Variants in VIPAS39 observed in about 807,000 individuals in gnomAD.
The protein encoded by VIPAS39 is VPS33B interacting protein, apical-basolateral polarity regulator, spe-39 homolog.
A neutral mutation model predicts 84.7 loss-of-function variants in VIPAS39; 63 were observed. The ratio of observed to expected loss-of-function variants is 0.74; its 90% CI spans 0.61 to 0.92. VIPAS39 has a LOEUF of 0.92. Ranked by LOEUF, VIPAS39 falls within the 40% of genes least tolerant of loss-of-function variation. The pLI, the probability that VIPAS39 is intolerant of heterozygous loss-of-function variation, is 0.00. For missense variants in VIPAS39, 499 were observed against 604.5 expected, an observed-to-expected ratio of 0.83 and a Z score of 1.83; for synonymous variants, 192 against 216.5, an observed-to-expected ratio of 0.89 and a Z score of 0.99.
chr14:77,442,785 G>A (rs971943075), intron 9 of VIPAS39, 123 bp from the exon 10 acceptor site: 33 of 930,180 alleles, frequency 3.5e-5, no homozygotes, highest in Non-Finnish European at 5.4e-5. Flanking sequence ...GCTAAGAATG[G>A]TTTACCCCTA....
chr14:77,444,926 C>G (rs995207929), intron 7 of VIPAS39, among the ~76,000 whole-genome samples: 2 of 150,124 alleles, frequency 1.3e-5, no homozygotes, highest in African/African-American at 4.9e-5. Context: ...AATTTGCATA[C>G]AGTAAAACAT....
At position 77,429,086 on chromosome 14, in the gene VIPAS39, C is replaced by T; in HGVS notation, c.1276G>A (p.Glu426Lys). 6.2e-7 allele frequency: 1 copy of T among 1,613,692 alleles called. No individual in the cohort carries two copies. The highest frequency in any genetic ancestry group is 8.5e-7 in the Non-Finnish European group (1 of 1,179,718). Residue 426 changes from glutamate (E) to lysine (K), a missense_variant, in exon 18 of 20, where the codon GAG (glutamate) becomes AAG (lysine). Physicochemically the swap from Glu to Lys is moderately conservative, Grantham distance 56. Coordinates refer to ENST00000557658, the MANE Select transcript of VIPAS39 (RefSeq NM_001193315.2). Reference protein sequence around the residue: ...KNNAPVQILQEYVNLVEDVDT... With the variant: ...KNNAPVQILQKYVNLVEDVDT... ...ACATCTTCCACCAGATTGACATACT[C>T]CTGTAATATCTGTGGGAAGAGGTAC...
intron 6 of VIPAS39, 23 bp from the exon 7 acceptor site, chr14:77,448,573 A>C: frequency 6.2e-7 from 1 of 1,613,858 alleles, no homozygotes. Flanking sequence ...CAATACGTGA[A>C]TCCCAGGAAG....
intron 11 of VIPAS39, among the ~76,000 whole-genome samples, chr14:77,439,526 T>A (rs2078666813): frequency 6.6e-6 from 1 of 152,162 alleles, no homozygotes. Flanking sequence ...GTGGTTCACA[T>A]CTGTAATCCC....
At position 77,434,508 on chromosome 14, in the gene VIPAS39, T is replaced by C. The variant is rs774318839; in HGVS notation, c.1048-205A>G. Among the ~76,000 whole-genome samples the C allele has an allele frequency of 2.4e-4, 36 of 152,162 alleles. 1 individual carries two copies. Among genetic ancestry groups the C allele is most frequent in the Non-Finnish European group, 4.4e-4 (30 of 68,024 alleles). ...TTATCAAGAACTGGAGTAATAAGTA[T>C]GGTGCCTTTTCCCATTTTCTGCTAA... On this transcript the variant is annotated intron_variant, in intron 14 of 19. Coordinates refer to ENST00000557658, the MANE Select transcript of VIPAS39 (RefSeq NM_001193315.2).
intron 3 of VIPAS39, among the ~76,000 whole-genome samples, 191 bp from the exon 4 acceptor site, chr14:77,451,524 C>T (rs950889842): frequency 2.6e-5 from 4 of 152,202 alleles, no homozygotes; most frequent in African/African-American, 4.8e-5. Context: ...AGGTGGATCA[C>T]AGAAAATTCA....
Position 77,429,771 on chromosome 14 carries a change from A to G in VIPAS39, c.1180-4T>C. On this transcript the variant is annotated splice_polypyrimidine_tract_variant and splice_region_variant and intron_variant, in intron 16 of 19. Coordinates refer to ENST00000557658, the MANE Select transcript of VIPAS39 (RefSeq NM_001193315.2). ...TCTTGGTATAGCCCAGCCAGTTCTGAAAGAGGAAGATGGGGTAGCGGCAGG... is the reference window on the plus strand; with the variant it reads ...TCTTGGTATAGCCCAGCCAGTTCTGGAAGAGGAAGATGGGGTAGCGGCAGG... 6.2e-7 allele frequency: 1 copy of G among 1,614,098 alleles called. No homozygotes were observed. Among genetic ancestry groups the G allele is most frequent in the Non-Finnish European group, 8.5e-7 (1 of 1,179,948 alleles).
chr14:77,433,353 A>C (rs2078553931), intron 16 of VIPAS39, among the ~76,000 whole-genome samples: 1 of 152,118 alleles, frequency 6.6e-6, no homozygotes, highest in South Asian at 2.1e-4. Flanking sequence ...GGTGCACACC[A>C]CCACACCCAG....
At position 77,428,237 on chromosome 14, in the gene VIPAS39, C is replaced by T. The variant is rs140913492; in HGVS notation, c.1461+133G>A. The T allele has an allele frequency of 5.8e-5, 45 of 781,472 alleles. No homozygotes were observed. In the East Asian group the frequency reaches 7.8e-4, roughly 14 times the overall value. 48.4% of individuals were successfully genotyped at this position (781,472 alleles called of 1,614,324 possible). On this transcript the variant is annotated intron_variant, in intron 19 of 19. Transcript: ENST00000557658. ...CAAAGCAGTGCTTTTGACATTGTGGCCAGAGGAGAGCCTTACATCCATGTG... is the reference window on the plus strand; with the variant it reads ...CAAAGCAGTGCTTTTGACATTGTGGTCAGAGGAGAGCCTTACATCCATGTG...
Position 77,448,570 on chromosome 14 carries a change from T to A in VIPAS39, c.448-20A>T. 1 of 1,613,782 alleles carries A rather than the reference T, an allele frequency of 6.2e-7. No individual in the cohort carries two copies. The highest frequency in any genetic ancestry group is 8.5e-7 in the Non-Finnish European group (1 of 1,179,730). On this transcript the variant is annotated intron_variant, in intron 6 of 19. Transcript: ENST00000557658. ...GTAATCCTGGAATATTAGCAATACG[T>A]GAATCCCAGGAAGTTAAGGAATCAA...
intron 1 of VIPAS39, chr14:77,457,208 C>A: frequency 6.6e-7 from 1 of 1,511,370 alleles, no homozygotes; most frequent in Non-Finnish European, 8.8e-7. Flanking sequence ...GGGTGAACGT[C>A]CAGGAAGCCA....
chr14:77,452,183 A>C (rs1056673705), intron 3 of VIPAS39, among the ~76,000 whole-genome samples: 4 of 152,212 alleles, frequency 2.6e-5, no homozygotes, highest in Non-Finnish European at 5.9e-5. Context: ...ACATGGAAAG[A>C]TCTCCAAGCT....
At position 77,454,074 on chromosome 14, in the gene VIPAS39, T is replaced by A; in HGVS notation, c.29A>T (p.Glu10Val). 6.2e-7 allele frequency: 1 copy of A among 1,614,172 alleles called. No homozygotes were observed. Among genetic ancestry groups the A allele is most frequent in the Non-Finnish European group, 8.5e-7 (1 of 1,180,016 alleles). Residue 10 changes from glutamate (E) to valine (V), a missense_variant, in exon 2 of 20, where the codon GAG becomes GTG. Physicochemically the swap from Glu to Val is moderately radical, Grantham distance 121 (BLOSUM62 -2). Coordinates refer to ENST00000557658, the MANE Select transcript of VIPAS39 (RefSeq NM_001193315.2). ...CTTGAACTTGGAGCTGTTCCAATAC[T>A]CCTCCTCATCACCCTTTGTCCGATT... MNRTKGDEE[E>V]YWNSSKFKAF...
chr14:77,457,519 T>C lies in VIPAS39; in HGVS notation c.-25A>G, dbSNP rs2078981158. 4 of 928,034 alleles carry C rather than the reference T, an allele frequency of 4.3e-6. No individual in the cohort carries two copies. The South Asian group carries it at 6.4e-5, about 15-fold the overall frequency. 57.5% of individuals were successfully genotyped at this position (928,034 alleles called of 1,614,324 possible). On this transcript the variant is annotated 5_prime_UTR_variant, in exon 1 of 20. Transcript: ENST00000557658. ...CCTCTTCCGCACAGAGCCCTCCCTCTCAGGACAGCGCCAGCCTCCGCCGCC... is the reference window on the plus strand; with the variant it reads ...CCTCTTCCGCACAGAGCCCTCCCTCCCAGGACAGCGCCAGCCTCCGCCGCC...
chr14:77,429,301 G>C (rs2078481838), intron 17 of VIPAS39, among the ~76,000 whole-genome samples: 1 of 152,220 alleles, frequency 6.6e-6, no homozygotes, highest in Non-Finnish European at 1.5e-5. Flanking sequence ...GCAGGAAAGA[G>C]CACACTTCTC....
At chr14:77,443,455 C>T (rs1374109984) in intron 8 of VIPAS39, among the ~76,000 whole-genome samples, 2 of 152,132 alleles carry the variant, frequency 1.3e-5, no homozygotes, top group African/African-American at 2.4e-5. Flanking sequence ...TTACAATCAA[C>T]GGTTTCACAT....
At chr14:77,442,444 G>C in intron 10 of VIPAS39, 116 bp downstream of exon 10, 1 of 882,802 alleles carries the variant, frequency 1.1e-6, no homozygotes, top group African/African-American at 1.6e-5. Context: ...TCAATAGCTT[G>C]TCTTCCAAGC....
In VIPAS39 at chr14:77,427,306, C is replaced by G. The variant is rs545031919; in HGVS notation, c.*310G>C. Reference sequence around the variant, plus strand: ...CTCCCATACCTCTTCCTTTCTGGAGCAGTCACTTTTCTCAGACCAAGTGAG... The same window carrying G: ...CTCCCATACCTCTTCCTTTCTGGAGGAGTCACTTTTCTCAGACCAAGTGAG... On this transcript the variant is annotated 3_prime_UTR_variant, in exon 20 of 20. Transcript: ENST00000557658. The G allele has an allele frequency of 9.1e-6, 4 of 440,024 alleles. No individual in the cohort carries two copies. The highest frequency in any genetic ancestry group is 8.2e-5 in the South Asian group (3 of 36,800). The allele number at this position is 440,024 out of a possible 1,614,324, so 27.3% of individuals were successfully genotyped here. A position where few individuals can be genotyped will look rare whatever the true frequency, so the allele number is the denominator to read the frequency against.
Position 77,429,702 on chromosome 14 carries a change from GT to G in VIPAS39, c.1244del (p.His415ProfsTer24). ...TTACCTGCACAGGGGCATTGTTCTT[GT>G]GCAAAATTTCGACAACCCGATGGAA... ...IGFHRVVEIL[H>X]KNNAPVQILQ... On this transcript the variant is annotated frameshift_variant, in exon 17 of 20. Transcript: ENST00000557658. LOFTEE classifies it high-confidence loss of function. 1 of 1,614,168 alleles carries G rather than the reference GT, an allele frequency of 6.2e-7. No individual in the cohort carries two copies. Among genetic ancestry groups the G allele is most frequent in the Non-Finnish European group, 8.5e-7 (1 of 1,180,014 alleles).
Sources: gnomAD v4.1 joint callset for allele counts (sites outside exome capture counted in the v4.1 genomes callset) on GRCh38, gnomAD v4.1.1 for gene constraint, MANE v1.5 for transcripts, NCBI Gene and HGNC (gene_info 2026-07-23, HGNC 2026-07-21) for gene names.